Variants in PTK2 observed in about 807,000 individuals in gnomAD.
PTK2 encodes the protein protein tyrosine kinase 2, also known as focal adhesion kinase 1.
In PTK2, 45 loss-of-function variants were observed where a neutral mutation model predicts 150.1. The ratio of observed to expected loss-of-function variants is 0.30; its 90% CI spans 0.24 to 0.38. The LOEUF is 0.38. Among genes scored for constraint, PTK2 ranks in the 10% least tolerant of loss-of-function variants. PTK2 has a pLI of 1.00. For missense variants in PTK2, 919 were observed against 1,307.3 expected (o/e 0.70, Z 4.58); for synonymous variants, 432 against 449.2 (o/e 0.96, Z 0.48).
intron 14 of PTK2, 104 bp downstream of exon 16, chr8:140,769,471 G>T: frequency 4.0e-6 from 3 of 741,290 alleles, no homozygotes; most frequent in Non-Finnish European, 5.7e-6. Context: ...ACTTGGTTCT[G>T]TTGGATCAAA....
intron 10 of PTK2, among the ~76,000 whole-genome samples, chr8:140,807,747 A>C (rs889663054): frequency 1.3e-5 from 2 of 152,256 alleles, no homozygotes; most frequent in African/African-American, 4.8e-5. Flanking sequence ...ACTGGATCAA[A>C]TAAAATATAT....
chr8:140,746,437 T>C lies in PTK2; in HGVS notation c.1518+323A>G, dbSNP rs892800912. The C allele has an allele frequency of 2.2e-5, 5 of 223,008 alleles. No homozygotes were observed. In the Admixed American group the frequency reaches 2.8e-4, roughly 13 times the overall value. 13.8% of individuals were successfully genotyped at this position (223,008 alleles called of 1,614,324 possible). ...CCCAAACTCCATTAAGATTGCTTCA[T>C]CCTCAGATCACTGGGCTAGTTTTTT... is the stretch of plus-strand genomic sequence containing the variant. On this transcript the variant is annotated intron_variant, in intron 18 of 31. Transcript: ENST00000522684.
chr8:140,924,131 C>T (rs1211048493), intron 2 of PTK2, among the ~76,000 whole-genome samples: 1 of 152,158 alleles, frequency 6.6e-6, no homozygotes, highest in Non-Finnish European at 1.5e-5. Context: ...ACCACACTGA[C>T]CTCCTTGCCA....
In PTK2 at chr8:140,973,029, G is replaced by A. The variant is rs59976164; in HGVS notation, c.-122+28096C>T. Among the ~76,000 whole-genome samples, 639 of 152,310 alleles carry A rather than the reference G, an allele frequency of 4.2e-3. 9 individuals carry two copies. Among genetic ancestry groups the A allele is most frequent in the African/African-American group, 0.014 (597 of 41,554 alleles). On this transcript the variant is annotated intron_variant, in intron 1 of 31. Coordinates refer to ENST00000522684, the Ensembl canonical transcript of PTK2. ...CACACTTCTGGAGACATCCTCACCT[G>A]TGTGTAGAAATTCTAATTTTTCAGT... is the stretch of plus-strand genomic sequence containing the variant.
chr8:140,947,896 A>AT (rs1280586734), intron 1 of PTK2, among the ~76,000 whole-genome samples: 25 of 152,188 alleles, frequency 1.6e-4, no homozygotes, highest in Non-Finnish European at 3.5e-4. Flanking sequence ...AATAATAATA[A>AT]TTTTTTAAAA....
chr8:140,954,654 T>C (rs1299322180), intron 1 of PTK2: 3 of 152,180 alleles, frequency 2.0e-5, no homozygotes, highest in Non-Finnish European at 2.9e-5. Flanking sequence ...TTTATTTCTA[T>C]TGTACATCAA....
At chr8:140,855,997 T>C (rs1331551231) in intron 5 of PTK2, among the ~76,000 whole-genome samples, 4 of 152,162 alleles carry the variant, frequency 2.6e-5, no homozygotes, top group Non-Finnish European at 5.9e-5. Context: ...GATTTTACAA[T>C]ACATATTGTA....
intron 2 of PTK2, among the ~76,000 whole-genome samples, chr8:140,919,057 A>T (rs1247775154): frequency 1.3e-5 from 2 of 152,212 alleles, no homozygotes; most frequent in African/African-American, 4.8e-5. Context: ...ATCACAATGG[A>T]AGCAGTGTGT....
chr8:140,868,570 A>C (rs1462295128), intron 4 of PTK2, among the ~76,000 whole-genome samples: 1 of 152,120 alleles, frequency 6.6e-6, no homozygotes, highest in Non-Finnish European at 1.5e-5. Flanking sequence ...ACCTTAACCA[A>C]ATGATCCAAG....
chr8:140,879,703 C>CAAAAAAAAAAAAAAA (rs2100148020), intron 3 of PTK2, 66 bp from the exon 4 acceptor site: 4 of 793,882 alleles, frequency 5.0e-6, no homozygotes, highest in African/African-American at 6.3e-5. Flanking sequence ...AAAAAAAAAC[C>CAAAAAAAAAAAAAAA]AAAACAAAAC....
At chr8:140,659,106 G>A (rs998845730) in exon 32 of PTK2, 2 of 270,592 alleles carry the variant, frequency 7.4e-6, no homozygotes, top group Non-Finnish European at 1.4e-5. Flanking sequence ...AGCTAAGGTA[G>A]TTTAGGAATT....
intron 14 of PTK2, 136 bp downstream of exon 15, chr8:140,770,580 A>G (rs1014739705): frequency 2.0e-5 from 5 of 256,232 alleles, no homozygotes; most frequent in Non-Finnish European, 3.2e-5. Context: ...ATTGCTTCTG[A>G]ACAATGAACA....
chr8:140,867,961 C>T (rs1180827917), intron 4 of PTK2, among the ~76,000 whole-genome samples: 2 of 152,176 alleles, frequency 1.3e-5, no homozygotes, highest in Non-Finnish European at 2.9e-5. Context: ...TAGTTGCATC[C>T]TGATACATAT....
At chr8:140,803,732 C>T (rs1050478638) in intron 10 of PTK2, 82 bp from the exon 11 acceptor site, 24 of 1,296,924 alleles carry the variant, frequency 1.9e-5, no homozygotes, top group African/African-American at 2.9e-5. Context: ...GTGAAATCCT[C>T]GTTGTCCTGA....
At chr8:141,001,389 C>G (rs1042692416), upstream of PTK2, 4 of 150,660 alleles carry the variant, frequency 2.7e-5, no homozygotes, top group African/African-American at 9.7e-5. Context: ...TCCCGCCTCT[C>G]GGGGGGACTG....
At chr8:140,843,740 A>G (rs924439377) in intron 7 of PTK2, among the ~76,000 whole-genome samples, 3 of 151,772 alleles carry the variant, frequency 2.0e-5, no homozygotes, top group Non-Finnish European at 4.4e-5. Flanking sequence ...TAGATTTACA[A>G]AAGAGTTACA....
At chr8:140,739,103 G>T in exon 21 of PTK2, 1 of 1,539,486 alleles carries the variant, frequency 6.5e-7, no homozygotes, top group Non-Finnish European at 8.8e-7. Context: ...ATTTTCCTTT[G>T]GAAGCTAGAA....
intron 23 of PTK2, 119 bp from the exon 27 acceptor site, chr8:140,706,324 G>A: frequency 4.2e-6 from 3 of 712,216 alleles, no homozygotes; most frequent in Non-Finnish European, 7.2e-6. Context: ...ATAAAAAGAT[G>A]CTAAGACATT....
chr8:140,838,658 T>C (rs1217820162), intron 7 of PTK2, among the ~76,000 whole-genome samples: 1 of 152,136 alleles, frequency 6.6e-6, no homozygotes, highest in African/African-American at 2.4e-5. Context: ...AAGGGTGAAA[T>C]TTTTTAAAAA....
Sources: gnomAD v4.1 joint callset for allele counts (sites outside exome capture counted in the v4.1 genomes callset) on GRCh38, gnomAD v4.1.1 for gene constraint, MANE v1.5 for transcripts, NCBI Gene and HGNC (gene_info 2026-07-23, HGNC 2026-07-21) for gene names.